CNTNAP4: variants seen among roughly 807,000 people sequenced by gnomAD.
The protein encoded by CNTNAP4 is contactin associated protein family member 4.
A neutral mutation model predicts 148.4 loss-of-function variants in CNTNAP4; 98 were observed. That is an observed-to-expected ratio of 0.66 (90% confidence interval 0.56 to 0.78). The LOEUF (loss-of-function observed/expected upper bound fraction) is 0.78, where lower values mean the gene tolerates loss of function less well. Among genes scored for constraint, CNTNAP4 ranks in the 30% least tolerant of loss-of-function variants. The probability of loss-of-function intolerance (pLI) is 0.00; values close to 1 mark genes in which losing one functional copy is unlikely to be tolerated. For synonymous variants in CNTNAP4, 730 were observed against 565.1 expected (o/e 1.29, Z -4.14); for missense variants, 1,935 against 1,565.6 (o/e 1.24, Z -3.98).
chr16:76,293,925 TATGTTCTAC>T (rs1385218224), intron 1 of CNTNAP4, among the ~76,000 whole-genome samples: 1 of 152,106 alleles, frequency 6.6e-6, no homozygotes, highest in Non-Finnish European at 1.5e-5. Flanking sequence ...CCTTTCTCTT[TATGTTCTAC>T]AGTCATTTCC....
chr16:76,341,000 C>T (rs906003334), intron 2 of CNTNAP4, among the ~76,000 whole-genome samples: 6 of 152,194 alleles, frequency 3.9e-5, no homozygotes, highest in Non-Finnish European at 8.8e-5. Context: ...ATTTCTGACA[C>T]TTTATATTTT....
At chr16:76,292,356 G>T (rs1959148999) in intron 1 of CNTNAP4, among the ~76,000 whole-genome samples, 3 of 152,108 alleles carry the variant, frequency 2.0e-5, no homozygotes, top group Non-Finnish European at 2.9e-5. Context: ...TGTGGTGGTG[G>T]GTACAGACTG....
At chr16:76,456,459 G>A (rs2080735238) in intron 8 of CNTNAP4, among the ~76,000 whole-genome samples, 1 of 152,226 alleles carries the variant, frequency 6.6e-6, no homozygotes, top group Non-Finnish European at 1.5e-5. Flanking sequence ...TAAGTATCAG[G>A]AGAGAAAGAA....
chr16:76,291,203 T>C (rs1372602568), intron 1 of CNTNAP4, among the ~76,000 whole-genome samples: 1 of 152,214 alleles, frequency 6.6e-6, no homozygotes, highest in African/African-American at 2.4e-5. Context: ...CATTGCTTTT[T>C]TTCAGTATTG....
At chr16:76,364,884 T>C (rs1250051154) in intron 3 of CNTNAP4, among the ~76,000 whole-genome samples, 2 of 152,214 alleles carry the variant, frequency 1.3e-5, no homozygotes, top group Admixed American at 6.5e-5. Context: ...TTTAATTAGA[T>C]CCCATTTGTC....
intron 15 of CNTNAP4, among the ~76,000 whole-genome samples, chr16:76,513,381 G>A (rs1023936211): frequency 3.3e-5 from 5 of 152,078 alleles, no homozygotes; most frequent in African/African-American, 4.8e-5. Flanking sequence ...AATATAGTGT[G>A]ATCGCAGAGG....
chr16:76,541,717 C>A (rs1340121258), intron 21 of CNTNAP4, among the ~76,000 whole-genome samples: 3 of 152,150 alleles, frequency 2.0e-5, no homozygotes, highest in Admixed American at 2.0e-4. Context: ...AAAATATTGG[C>A]CCCTGAGGTT....
At chr16:76,373,846 G>T (rs1478728968) in intron 3 of CNTNAP4, among the ~76,000 whole-genome samples, 1 of 141,542 alleles carries the variant, frequency 7.1e-6, no homozygotes, top group East Asian at 2.1e-4. Context: ...AATGAGCCAA[G>T]ATCACGCCAT....
intron 3 of CNTNAP4, among the ~76,000 whole-genome samples, chr16:76,367,997 G>A (rs1319954228): frequency 6.6e-6 from 1 of 152,116 alleles, no homozygotes; most frequent in Non-Finnish European, 1.5e-5. Context: ...TCTAGAGGTG[G>A]GAGCCCAGAT....
In CNTNAP4 at chr16:76,509,773, A is replaced by T. The variant is rs1300653955; in HGVS notation, c.2365+11079A>T. Reference sequence around the variant, plus strand: ...CTTTTAAAGGCTAACCACTAGTTCTATTCTCCAATGCTTTTTATTTTGATT... The same window carrying T: ...CTTTTAAAGGCTAACCACTAGTTCTTTTCTCCAATGCTTTTTATTTTGATT... On this transcript the variant is annotated intron_variant, in intron 15 of 23. Coordinates refer to ENST00000611870, the MANE Select transcript of CNTNAP4 (RefSeq NM_033401.5). Among the ~76,000 whole-genome samples the T allele has an allele frequency of 5.2e-5, 5 of 95,846 alleles. 1 individual carries two copies. The highest frequency in any genetic ancestry group is 1.3e-4 in the African/African-American group (5 of 38,420). 62.9% of individuals were successfully genotyped at this position (95,846 alleles called of 152,430 possible).
intron 1 of CNTNAP4, among the ~76,000 whole-genome samples, chr16:76,279,185 T>C (rs754333559): frequency 6.6e-6 from 1 of 152,066 alleles, no homozygotes; most frequent in Non-Finnish European, 1.5e-5. Flanking sequence ...ACCACTAAAG[T>C]TCAACCAAAA....
At chr16:76,378,208 C>G (rs1230688497) in intron 3 of CNTNAP4, among the ~76,000 whole-genome samples, 1 of 152,104 alleles carries the variant, frequency 6.6e-6, no homozygotes, top group Non-Finnish European at 1.5e-5. Flanking sequence ...GATGGGGACA[C>G]TAAAAGCCCA....
intron 17 of CNTNAP4, among the ~76,000 whole-genome samples, chr16:76,529,695 A>G (rs1444035741): frequency 6.6e-6 from 1 of 152,224 alleles, no homozygotes; most frequent in African/African-American, 2.4e-5. Context: ...TGACATAGTC[A>G]GAAGTAACTT....
At chr16:76,371,593 C>G (rs575559390) in intron 3 of CNTNAP4, among the ~76,000 whole-genome samples, 1 of 152,288 alleles carries the variant, frequency 6.6e-6, no homozygotes, top group Admixed American at 6.5e-5. Flanking sequence ...CCTGTTGTCA[C>G]TTCTGGGACA....
intron 4 of CNTNAP4, among the ~76,000 whole-genome samples, chr16:76,428,035 A>G (rs899307819): frequency 1.3e-5 from 2 of 152,322 alleles, no homozygotes; most frequent in South Asian, 2.1e-4. Context: ...CCTAAAAACA[A>G]TATCATGCAA....
intron 2 of CNTNAP4, among the ~76,000 whole-genome samples, chr16:76,317,280 A>C (rs1234048093): frequency 3.0e-3 from 101 of 33,990 alleles, no homozygotes; most frequent in Non-Finnish European, 4.9e-3. Flanking sequence ...AAAAAAACCA[A>C]AAAAAAAAAA....
At chr16:76,551,406 T>A (rs199618198) in intron 21 of CNTNAP4, among the ~76,000 whole-genome samples, 24,339 of 120,440 alleles carry the variant, frequency 0.2, 2,484 homozygotes, top group Middle Eastern at 0.3. Context: ...AAAAAAAAAA[T>A]ATATATATAT....
intron 13 of CNTNAP4, among the ~76,000 whole-genome samples, chr16:76,490,275 G>T (rs868756901): frequency 6.6e-6 from 1 of 152,170 alleles, no homozygotes; most frequent in African/African-American, 2.4e-5. Flanking sequence ...TTCTGAAAGC[G>T]ATTATTCTAC....
chr16:76,524,029 T>A (rs901007112), intron 17 of CNTNAP4, among the ~76,000 whole-genome samples: 1 of 152,200 alleles, frequency 6.6e-6, no homozygotes, highest in African/African-American at 2.4e-5. Context: ...TTCTTAAGAG[T>A]CTGATCTTAT....
Sources: allele counts gnomAD v4.1 joint callset (sites outside exome capture counted in the v4.1 genomes callset), GRCh38; gene constraint gnomAD v4.1.1; transcripts MANE v1.5; gene names NCBI Gene and HGNC (gene_info 2026-07-23, HGNC 2026-07-21).